Variants in RAD51B observed in about 807,000 individuals in gnomAD.
RAD51B encodes RAD51 paralog B.
A neutral mutation model predicts 42.2 loss-of-function variants in RAD51B; 38 were observed. That is an observed-to-expected ratio of 0.90 (90% CI 0.70 to 1.18). The LOEUF is 1.18. Ranked by LOEUF, RAD51B falls within the 50% of genes most tolerant of loss-of-function variation. RAD51B has a pLI of 0.00. For missense variants in RAD51B, 373 were observed against 400.7 expected (o/e 0.93, Z 0.59); for synonymous variants, 154 against 145.2 (o/e 1.06, Z -0.43).
At chr14:68,203,679 A>G (rs1400054454) in intron 7 of RAD51B, among the ~76,000 whole-genome samples, 6 of 152,276 alleles carry the variant, frequency 3.9e-5, no homozygotes, top group Middle Eastern at 3.4e-3. Context: ...ATATGAGGCT[A>G]TTTTGTCTAC....
chr14:67,987,735 A>G (rs1212415825), intron 7 of RAD51B, among the ~76,000 whole-genome samples: 2 of 152,216 alleles, frequency 1.3e-5, no homozygotes, highest in Non-Finnish European at 2.9e-5. Flanking sequence ...ACTTAACTGA[A>G]TAACTCCTCA....
At chr14:68,604,811 G>C (rs1891377574) in intron 10 of RAD51B, among the ~76,000 whole-genome samples, 1 of 109,350 alleles carries the variant, frequency 9.1e-6, no homozygotes, top group African/African-American at 3.0e-5. Context: ...TGGGAGCCTA[G>C]CACTCAGGGC....
At chr14:68,151,469 T>C (rs2078377736) in intron 7 of RAD51B, among the ~76,000 whole-genome samples, 1 of 152,078 alleles carries the variant, frequency 6.6e-6, no homozygotes. Flanking sequence ...TTTGGAAAAA[T>C]CTTGGCCACT....
chr14:68,268,562 CTA>C (rs2081039650), intron 7 of RAD51B, among the ~76,000 whole-genome samples: 1 of 152,198 alleles, frequency 6.6e-6, no homozygotes, highest in East Asian at 1.9e-4. Flanking sequence ...GAATCATAAA[CTA>C]TGGGCTTTGT....
In RAD51B at chr14:68,285,746, C is replaced by T. The variant is rs140931054; in HGVS notation, c.757-6138C>T. Among the ~76,000 whole-genome samples, 263 of 152,258 alleles carry T rather than the reference C, an allele frequency of 1.7e-3. 1 individual carries two copies. The highest frequency in any genetic ancestry group is 5.9e-3 in the African/African-American group (244 of 41,552). On this transcript the variant is annotated intron_variant, in intron 7 of 10. Coordinates refer to ENST00000471583, the MANE Select transcript of RAD51B (RefSeq NM_133510.4). ...GCCCCTGAGATGCCTGAGGTTGCTT[C>T]GTGAATCCTCTAGCCCAGCCTACCC... is the stretch of plus-strand genomic sequence containing the variant.
chr14:68,620,525 C>T (rs1243599245), intron 10 of RAD51B, among the ~76,000 whole-genome samples: 1 of 152,216 alleles, frequency 6.6e-6, no homozygotes, highest in African/African-American at 2.4e-5. Context: ...TGACCCCTAA[C>T]CCTTGATCCT....
Position 68,477,987 on chromosome 14 carries a change from CATTA to C in RAD51B, c.*333_*336del, listed in dbSNP as rs543979224. ...CAGGCACCTCAAAGCGGTTTAACCA[CATTA>C]ATTAATTAAAGCCCACAATCCTCCT... On this transcript the variant is annotated 3_prime_UTR_variant, in exon 11 of 11. Coordinates refer to ENST00000471583, the MANE Select transcript of RAD51B (RefSeq NM_133510.4). 119 of 1,124,076 alleles carry C rather than the reference CATTA, an allele frequency of 1.1e-4. No homozygotes were observed. The African/African-American group carries it at 1.5e-3, about 14-fold the overall frequency. The allele number at this position is 1,124,076 out of a possible 1,614,324, so 69.6% of individuals were successfully genotyped here.
intron 10 of RAD51B, among the ~76,000 whole-genome samples, chr14:68,522,956 C>CTT (rs1459443363): frequency 2.6e-5 from 4 of 152,206 alleles, no homozygotes; most frequent in African/African-American, 9.7e-5. Flanking sequence ...TAAATAAGGC[C>CTT]TGGAATGCAT....
intron 10 of RAD51B, among the ~76,000 whole-genome samples, chr14:68,552,409 T>C (rs1888623393): frequency 6.6e-6 from 1 of 152,082 alleles, no homozygotes; most frequent in African/African-American, 2.4e-5. Flanking sequence ...ATGTTGACAA[T>C]CAAAAACTCC....
chr14:68,552,962 G>A (rs942000318), intron 10 of RAD51B, among the ~76,000 whole-genome samples: 2 of 152,206 alleles, frequency 1.3e-5, no homozygotes, highest in African/African-American at 2.4e-5. Flanking sequence ...TGTGCTTATA[G>A]TAGAAATTTC....
intron 10 of RAD51B, among the ~76,000 whole-genome samples, chr14:68,649,545 C>A (rs538618944): frequency 6.6e-6 from 1 of 152,306 alleles, no homozygotes; most frequent in Admixed American, 6.5e-5. Flanking sequence ...CCAGTCTTTC[C>A]ATTTTCAAGT....
rs528941531 is a variant in RAD51B at position 68,349,925 on chromosome 14, G to A, written c.853+57945G>A. 3.3e-3 allele frequency among the ~76,000 whole-genome samples: 510 copies of A among 152,280 alleles called. 1 individual carries two copies. The highest frequency in any genetic ancestry group is 5.9e-3 in the Non-Finnish European group (400 of 68,024). On this transcript the variant is annotated intron_variant, in intron 8 of 10. Transcript: ENST00000471583. Reference sequence around the variant, plus strand: ...AAAGAAAACTATAAAATTACACATAGATGCAAGCTTGTGTGTATTCTGCAG... The same window carrying A: ...AAAGAAAACTATAAAATTACACATAAATGCAAGCTTGTGTGTATTCTGCAG...
At chr14:68,518,425 C>G (rs1886314290) in intron 10 of RAD51B, among the ~76,000 whole-genome samples, 1 of 152,158 alleles carries the variant, frequency 6.6e-6, no homozygotes, top group Non-Finnish European at 1.5e-5. Flanking sequence ...GCCCTGGGAA[C>G]TGGAGATCTT....
chr14:68,127,264 C>T (rs1430462775), intron 7 of RAD51B, among the ~76,000 whole-genome samples: 2 of 152,144 alleles, frequency 1.3e-5, no homozygotes, highest in African/African-American at 4.8e-5. Flanking sequence ...AACCCCAACC[C>T]ACCTGGTTTC....
At chr14:68,487,930 A>C (rs1393888430) in intron 10 of RAD51B, among the ~76,000 whole-genome samples, 1 of 152,218 alleles carries the variant, frequency 6.6e-6, no homozygotes, top group Non-Finnish European at 1.5e-5. Context: ...TGTTTTCCTC[A>C]CAGAACATCC....
rs114390504 is a variant in RAD51B, at chr14:68,310,438, G to A, written c.853+18458G>A. Among the ~76,000 whole-genome samples the A allele has an allele frequency of 2.3e-3, 343 of 152,188 alleles. 4 individuals carry two copies. The highest frequency in any genetic ancestry group is 7.4e-3 in the African/African-American group (308 of 41,532). On this transcript the variant is annotated intron_variant, in intron 8 of 10. Coordinates refer to ENST00000471583, the MANE Select transcript of RAD51B (RefSeq NM_133510.4). ...AAACCATGAAGCCTGTAAACCACACGGTAGATATGATCACAACAATATTAG... is the reference window on the plus strand; with the variant it reads ...AAACCATGAAGCCTGTAAACCACACAGTAGATATGATCACAACAATATTAG...
Position 67,893,501 on chromosome 14 carries a change from CACACACACAAA to C in RAD51B, c.756+6299_756+6309del, listed in dbSNP as rs1436185574. ...ACACACACACACACACACACACACA[CACACACACAAA>C]AAAAAACAATTAGCTGGGTGTGGTG... On this transcript the variant is annotated intron_variant, in intron 7 of 10. Transcript: ENST00000471583. Among the ~76,000 whole-genome samples the C allele has an allele frequency of 7.1e-4, 68 of 96,088 alleles. 2 individuals carry two copies. Among genetic ancestry groups the C allele is most frequent in the African/African-American group, 3.6e-3 (65 of 17,898 alleles). 63.0% of individuals were successfully genotyped at this position (96,088 alleles called of 152,430 possible). A position where few individuals can be genotyped will look rare whatever the true frequency, so the allele number is the denominator to read the frequency against.
chr14:68,061,575 T>C (rs1035264872), intron 7 of RAD51B, among the ~76,000 whole-genome samples: 5 of 152,142 alleles, frequency 3.3e-5, no homozygotes, highest in African/African-American at 9.7e-5. Context: ...CTTTCACCAG[T>C]GTTTTATAGT....
chr14:68,173,389 G>T (rs2078908855), intron 7 of RAD51B, among the ~76,000 whole-genome samples: 1 of 152,136 alleles, frequency 6.6e-6, no homozygotes, highest in Non-Finnish European at 1.5e-5. Flanking sequence ...GAACACTCTG[G>T]CCTTAGAATC....
Sources: allele counts gnomAD v4.1 joint callset (sites outside exome capture counted in the v4.1 genomes callset), GRCh38; gene constraint gnomAD v4.1.1; transcripts MANE v1.5; gene names NCBI Gene and HGNC (gene_info 2026-07-23, HGNC 2026-07-21).